SLC2A9: variants seen among roughly 807,000 people sequenced by gnomAD.
SLC2A9 encodes the protein solute carrier family 2 member 9.
Under a neutral mutation model 50.6 loss-of-function variants are expected in SLC2A9, and 39 were observed. The ratio of observed to expected loss-of-function variants is 0.77; its 90% CI spans 0.60 to 1.01. The LOEUF (loss-of-function observed/expected upper bound fraction) is 1.01, where lower values mean the gene tolerates loss of function less well. SLC2A9 is among the 50% of genes least tolerant of loss of function. The pLI, the probability that SLC2A9 is intolerant of heterozygous loss-of-function variation, is 0.00. For synonymous variants in SLC2A9, 324 were observed against 276.9 expected (o/e 1.17, Z -1.69); for missense variants, 686 against 677.6 (o/e 1.01, Z -0.14).
chr4:9,783,521 G>A (rs1718812766), intron 3 of SLC2A9: 13 of 1,451,242 alleles, frequency 9.0e-6, no homozygotes, highest in Admixed American at 4.1e-5. Context: ...TGACAAGCAC[G>A]CACACACACG....
intron 10 of SLC2A9, among the ~76,000 whole-genome samples, chr4:9,854,017 A>C (rs971273549): frequency 6.6e-6 from 1 of 152,190 alleles, no homozygotes; most frequent in South Asian, 2.1e-4. Context: ...AAAAGTTCAC[A>C]GTGCTAAATG....
At chr4:9,932,691 T>C (rs1746363267) in intron 6 of SLC2A9, among the ~76,000 whole-genome samples, 1 of 152,228 alleles carries the variant, frequency 6.6e-6, no homozygotes, top group African/African-American at 2.4e-5. Flanking sequence ...TGAAATGTGC[T>C]GACAGCATCC....
At chr4:9,810,000 A>C (rs73092434) in intron 3 of SLC2A9, among the ~76,000 whole-genome samples, 2 of 152,014 alleles carry the variant, frequency 1.3e-5, no homozygotes, top group Admixed American at 6.6e-5. Flanking sequence ...TTCTTATATT[A>C]TTCTTCTCTG....
intron 6 of SLC2A9, among the ~76,000 whole-genome samples, chr4:9,928,584 A>G (rs754820482): frequency 2.5e-4 from 38 of 152,160 alleles, no homozygotes; most frequent in Non-Finnish European, 4.7e-4. Flanking sequence ...ATACAAAAAA[A>G]TTAGCTGGGC....
rs1057280680 is a variant in SLC2A9, at chr4:9,998,604, T to C, written c.250-1663A>G. Reference sequence around the variant, plus strand: ...ACAGCTTTGGCATCAGCTAGTCAAATGGAAGATGCCTGTAGCCTACAACTC... The same window carrying C: ...ACAGCTTTGGCATCAGCTAGTCAAACGGAAGATGCCTGTAGCCTACAACTC... On this transcript the variant is annotated intron_variant, in intron 2 of 11. Transcript: ENST00000264784. 2.0e-4 allele frequency among the ~76,000 whole-genome samples: 30 copies of C among 152,246 alleles called. 1 individual carries two copies. The highest frequency in any genetic ancestry group is 1.7e-3 in the Admixed American group (26 of 15,286).
downstream of SLC2A9, among the ~76,000 whole-genome samples, chr4:9,797,167 C>G (rs1384836408): frequency 6.6e-6 from 1 of 152,164 alleles, no homozygotes. Context: ...TCAAGGGTGC[C>G]TTCACTACAG....
intron 3 of SLC2A9, among the ~76,000 whole-genome samples, chr4:9,808,522 T>C (rs1022949446): frequency 6.6e-6 from 1 of 152,180 alleles, no homozygotes; most frequent in Non-Finnish European, 1.5e-5. Context: ...ATTGTATTTA[T>C]AGTAATAATA....
At chr4:9,935,466 A>C (rs987512601) in intron 6 of SLC2A9, among the ~76,000 whole-genome samples, 1 of 152,140 alleles carries the variant, frequency 6.6e-6, no homozygotes, top group African/African-American at 2.4e-5. Flanking sequence ...CCCTGCCCCT[A>C]TGTGCCCTGG....
chr4:9,784,726 T>C (rs1718997205), intron 3 of SLC2A9, among the ~76,000 whole-genome samples: 1 of 152,192 alleles, frequency 6.6e-6, no homozygotes, highest in Non-Finnish European at 1.5e-5. Flanking sequence ...CCACACCAGT[T>C]GAGAGCATAT....
At chr4:9,827,698 C>T (rs777587152) in intron 11 of SLC2A9, among the ~76,000 whole-genome samples, 1 of 152,130 alleles carries the variant, frequency 6.6e-6, no homozygotes, top group Non-Finnish European at 1.5e-5. Flanking sequence ...TTAAATGAGA[C>T]ATTCCCTTTA....
intron 7 of SLC2A9, among the ~76,000 whole-genome samples, chr4:9,912,333 C>G (rs753120229): frequency 6.6e-6 from 1 of 152,062 alleles, no homozygotes; most frequent in African/African-American, 2.4e-5. Flanking sequence ...GACAGTGGCA[C>G]ATATGCCATG....
chr4:9,843,800 G>T (rs1423226063), intron 10 of SLC2A9, among the ~76,000 whole-genome samples: 1 of 152,146 alleles, frequency 6.6e-6, no homozygotes, highest in African/African-American at 2.4e-5. Flanking sequence ...TGTTCCAGGA[G>T]AATATTCATC....
At chr4:10,007,716 T>G (rs1204846633) in intron 2 of SLC2A9, among the ~76,000 whole-genome samples, 1 of 152,204 alleles carries the variant, frequency 6.6e-6, no homozygotes, top group Non-Finnish European at 1.5e-5. Context: ...GAGATGATAT[T>G]TTGCTCTCCT....
At chr4:9,876,553 T>C (rs922589633) in intron 10 of SLC2A9, among the ~76,000 whole-genome samples, 4 of 152,206 alleles carry the variant, frequency 2.6e-5, no homozygotes, top group African/African-American at 7.2e-5. Flanking sequence ...ATCACACCAC[T>C]GCACTTCAGC....
intron 3 of SLC2A9, among the ~76,000 whole-genome samples, chr4:9,993,145 T>C (rs1578229601): frequency 6.6e-6 from 1 of 152,214 alleles, no homozygotes; most frequent in East Asian, 1.9e-4. Flanking sequence ...TTTGTTTGGA[T>C]AGATGAATAT....
upstream of SLC2A9, among the ~76,000 whole-genome samples, chr4:10,023,913 G>A (rs768402315): frequency 6.8e-4 from 104 of 152,322 alleles, no homozygotes; most frequent in Non-Finnish European, 1.1e-3. Context: ...CTAAGGAAGC[G>A]ACTCCTATCA....
At chr4:9,856,090 C>T (rs1047846009) in intron 10 of SLC2A9, among the ~76,000 whole-genome samples, 1 of 152,090 alleles carries the variant, frequency 6.6e-6, no homozygotes, top group African/African-American at 2.4e-5. Flanking sequence ...AAAGCCATTG[C>T]AACAAAAACA....
chr4:9,882,264 A>G (rs953068906), intron 10 of SLC2A9, among the ~76,000 whole-genome samples: 8 of 152,108 alleles, frequency 5.3e-5, no homozygotes, highest in Non-Finnish European at 2.9e-5. Flanking sequence ...CTTATCCTCA[A>G]TTCTCTGTGT....
intron 3 of SLC2A9, among the ~76,000 whole-genome samples, chr4:9,800,418 G>A (rs1721238256): frequency 6.6e-6 from 1 of 152,180 alleles, no homozygotes; most frequent in Non-Finnish European, 1.5e-5. Flanking sequence ...ATCAAAAGAG[G>A]AAATTTGGAC....
Sources: allele counts gnomAD v4.1 joint callset (sites outside exome capture counted in the v4.1 genomes callset), GRCh38; gene constraint gnomAD v4.1.1; transcripts MANE v1.5; gene names NCBI Gene and HGNC (gene_info 2026-07-23, HGNC 2026-07-21).